Variants in SPATC1 observed in about 807,000 individuals in gnomAD.
SPATC1 encodes the protein speriolin.
SPATC1 carries 35 observed loss-of-function variants against 36.5 expected under a neutral mutation model. The ratio of observed to expected loss-of-function variants is 0.96; its 90% CI spans 0.73 to 1.27. The LOEUF is 1.27. Among genes scored for constraint, SPATC1 ranks in the 50% most tolerant of loss-of-function variants. The pLI, the probability that SPATC1 is intolerant of heterozygous loss-of-function variation, is 0.00. For synonymous variants in SPATC1, 361 were observed against 353.6 expected, an observed-to-expected ratio of 1.02 and a Z score of -0.24; for missense variants, 779 against 796.0, an observed-to-expected ratio of 0.98 and a Z score of 0.26.
At chr8:144,034,774 A>C (rs1834865805) in intron 1 of SPATC1, among the ~76,000 whole-genome samples, 1 of 151,948 alleles carries the variant, frequency 6.6e-6, no homozygotes. Flanking sequence ...GGCACACACC[A>C]ACACACCTGA....
intron 4 of SPATC1, among the ~76,000 whole-genome samples, chr8:144,041,693 G>A (rs573904007): frequency 2.0e-5 from 3 of 152,310 alleles, no homozygotes; most frequent in Non-Finnish European, 2.9e-5. Context: ...TGTGCCATGC[G>A]TGTGGCAGGC....
At chr8:144,020,263 C>T (rs1187354520) in intron 1 of SPATC1, among the ~76,000 whole-genome samples, 1 of 149,746 alleles carries the variant, frequency 6.7e-6, no homozygotes, top group Non-Finnish European at 1.5e-5. Flanking sequence ...AAGACCCTCT[C>T]CGCTGAAGAA....
intron 1 of SPATC1, among the ~76,000 whole-genome samples, chr8:144,030,646 A>G (rs1226252685): frequency 3.3e-5 from 5 of 152,194 alleles, no homozygotes; most frequent in Non-Finnish European, 7.3e-5. Context: ...GGCATGAGCC[A>G]CCATGCCTGG....
chr8:144,040,834 G>C lies in SPATC1; in HGVS notation c.1033G>C (p.Val345Leu), dbSNP rs1835068555. 2.0e-6 allele frequency: 3 copies of C among 1,530,520 alleles called. No homozygotes were observed. The highest frequency in any genetic ancestry group is 2.6e-6 in the Non-Finnish European group (3 of 1,145,090). 94.8% of individuals were successfully genotyped at this position (1,530,520 alleles called of 1,614,324 possible). A position where few individuals can be genotyped will look rare whatever the true frequency, so the allele number is the denominator to read the frequency against. Residue 345 changes from valine (V) to leucine (L), a missense_variant, in exon 3 of 5, where the codon GTT (valine) becomes CTT (leucine). By Grantham distance (32) the Val-to-Leu change is conservative (BLOSUM62 1). Coordinates refer to ENST00000377470, the MANE Select transcript of SPATC1 (RefSeq NM_198572.3). ...CTCTGCCCCCGCCCTTGCCCCCCAG[G>C]TTGCCACCAGCTACACACCCTCAAG... ...LASAPALAPQ[V>L]ATSYTPSSTT... is the part of the protein sequence containing the mutation.
At chr8:144,014,435 G>GGAA (rs782375510) in intron 1 of SPATC1, among the ~76,000 whole-genome samples, 172 of 149,264 alleles carry the variant, frequency 1.2e-3, no homozygotes, top group African/African-American at 3.9e-3. Context: ...GAAGAAAGAA[G>GGAA]GAAGAAGAAG....
chr8:144,045,563 G>T lies in SPATC1; in HGVS notation c.1447-1064G>T, dbSNP rs1163352513. Among the ~76,000 whole-genome samples, 5 of 152,202 alleles carry T rather than the reference G, an allele frequency of 3.3e-5. No individual in the cohort carries two copies. The highest frequency in any genetic ancestry group is 5.9e-5 in the Non-Finnish European group (4 of 68,028). On this transcript the variant is annotated intron_variant, in intron 4 of 4. Transcript: ENST00000377470. This position sits in a 1 kb window ranked among gnomAD's most constrained non-coding sequence, Gnocchi z 5.2. Reference sequence around the variant, plus strand: ...CTGGAAGAGGGGTGCAGGGACAGATGGGGGGACACTGGAGGGTGGCCCTCC... The same window carrying T: ...CTGGAAGAGGGGTGCAGGGACAGATTGGGGGACACTGGAGGGTGGCCCTCC...
rs1326298552 is a variant in SPATC1, at chr8:144,025,568, GC to G, written c.211+12844del. ...GGTTAAGAAATCACTTGTACATATTGCCTTGGAATATCATGCGACGGGACTG... is the reference window on the plus strand; with the variant it reads ...GGTTAAGAAATCACTTGTACATATTGCTTGGAATATCATGCGACGGGACTG... On this transcript the variant is annotated intron_variant, in intron 1 of 4. Coordinates refer to ENST00000377470, the MANE Select transcript of SPATC1 (RefSeq NM_198572.3). Among the ~76,000 whole-genome samples, 44 of 152,130 alleles carry G rather than the reference GC, an allele frequency of 2.9e-4. 1 individual carries two copies. The highest frequency in any genetic ancestry group is 8.7e-4 in the African/African-American group (36 of 41,432).
At chr8:144,025,371 T>A (rs1261670232) in intron 1 of SPATC1, among the ~76,000 whole-genome samples, 3 of 152,236 alleles carry the variant, frequency 2.0e-5, no homozygotes, top group Admixed American at 2.0e-4. Flanking sequence ...TAACTTCAAT[T>A]GTTTGATGTA....
intron 1 of SPATC1, among the ~76,000 whole-genome samples, chr8:144,030,347 GTGTATGTATGTA>G (rs1199255905): frequency 1.5e-4 from 23 of 151,850 alleles, no homozygotes; most frequent in African/African-American, 4.6e-4. Context: ...CCACATTGCT[GTGTATGTATGTA>G]TGTATGTATG....
intron 1 of SPATC1, among the ~76,000 whole-genome samples, chr8:144,020,900 CTCTTCCCTCAGGACCT>C: frequency 1.3e-5 from 2 of 148,940 alleles, no homozygotes; most frequent in African/African-American, 5.0e-5. Flanking sequence ...CCTCAGGACC[CTCTTCCCTCAGGACCT>C]TCTCCCCTCA....
In SPATC1 at chr8:144,018,310, G is replaced by A. The variant is rs894839824; in HGVS notation, c.211+5584G>A. On this transcript the variant is annotated intron_variant, in intron 1 of 4. Coordinates refer to ENST00000377470, the MANE Select transcript of SPATC1 (RefSeq NM_198572.3). The stretch of plus-strand genomic sequence containing the variant: ...TTCAACCATCATAGGTGGAATGGCC[G>A]ACCAGGGTGAGGTGAAAAGTCAGTG... 5.8e-4 allele frequency among the ~76,000 whole-genome samples: 88 copies of A among 152,272 alleles called. 1 individual carries two copies. The highest frequency in any genetic ancestry group is 2.1e-3 in the African/African-American group (87 of 41,566).
rs528502998 is a variant in SPATC1 at position 144,046,465 on chromosome 8, T to C, written c.1447-162T>C. ...ACCTGTCAGGCTCTGCCCACTGGGT[T>C]CCCCTGTCCTAGATTCTTGAGGTCT... On this transcript the variant is annotated intron_variant, in intron 4 of 4. Coordinates refer to ENST00000377470, the MANE Select transcript of SPATC1 (RefSeq NM_198572.3). This position sits in a 1 kb window ranked among gnomAD's most constrained non-coding sequence, Gnocchi z 6.6. 2.6e-5 allele frequency among the ~76,000 whole-genome samples: 4 copies of C among 152,226 alleles called. No homozygotes were observed. In the East Asian group the frequency reaches 7.7e-4, roughly 29 times the overall value.
chr8:144,018,773 T>G (rs1280791670), intron 1 of SPATC1, among the ~76,000 whole-genome samples: 3 of 150,794 alleles, frequency 2.0e-5, no homozygotes, highest in Non-Finnish European at 4.4e-5. Flanking sequence ...GGCTCACATC[T>G]GTAGTCCCAA....
At chr8:144,034,537 C>A (rs1272275221) in intron 1 of SPATC1, among the ~76,000 whole-genome samples, 1 of 151,912 alleles carries the variant, frequency 6.6e-6, no homozygotes. Context: ...CATTTACATA[C>A]ACCCCTTAAA....
At position 144,016,992 on chromosome 8, in the gene SPATC1, C is replaced by T. The variant is rs555267651; in HGVS notation, c.211+4266C>T. ...TCATGTTTGTGCTTCAGAAACGTTA[C>T]CCCAGATGCTATGGGGGAAATGGAT... is the stretch of plus-strand genomic sequence containing the variant. On this transcript the variant is annotated intron_variant, in intron 1 of 4. Transcript: ENST00000377470. The surrounding 1 kb of genome is among the most constrained non-coding windows in gnomAD (Gnocchi z 4.5). Among the ~76,000 whole-genome samples the T allele has an allele frequency of 2.5e-4, 38 of 152,234 alleles. No individual in the cohort carries two copies. Among genetic ancestry groups the T allele is most frequent in the Non-Finnish European group, 4.9e-4 (33 of 68,024 alleles).
Position 144,016,150 on chromosome 8 carries a change from G to C in SPATC1, c.211+3424G>C, listed in dbSNP as rs1834388373. On this transcript the variant is annotated intron_variant, in intron 1 of 4. Transcript: ENST00000377470. The surrounding 1 kb of genome is among the most constrained non-coding windows in gnomAD (Gnocchi z 4.5). ...AGGTGCCTGTAATCCCAGCTACTTG[G>C]GAGGCTGAGGCAGGAGAATCGCTTG... Among the ~76,000 whole-genome samples, 1 of 152,140 alleles carries C rather than the reference G, an allele frequency of 6.6e-6. No individual in the cohort carries two copies. The highest frequency in any genetic ancestry group is 6.5e-5 in the Admixed American group (1 of 15,270).
intron 1 of SPATC1, among the ~76,000 whole-genome samples, chr8:144,030,444 C>T (rs996644731): frequency 0.038 from 5,780 of 152,294 alleles, 388 homozygotes; most frequent in African/African-American, 0.13. Flanking sequence ...CTGCAGCCTC[C>T]GCCTCCTGGG....
At chr8:144,023,559 C>T in intron 1 of SPATC1, among the ~76,000 whole-genome samples, 1 of 125,864 alleles carries the variant, frequency 7.9e-6, no homozygotes, top group African/African-American at 3.0e-5. Context: ...CTATGCAGGA[C>T]CCTTTCCCCT....
At chr8:144,038,615 C>T (rs1554755190) in intron 1 of SPATC1, among the ~76,000 whole-genome samples, 1 of 151,932 alleles carries the variant, frequency 6.6e-6, no homozygotes, top group South Asian at 2.1e-4. Flanking sequence ...GCTGGGACTA[C>T]AGGTGTGTGC....
Sources: allele counts gnomAD v4.1 joint callset (sites outside exome capture counted in the v4.1 genomes callset), GRCh38; gene constraint gnomAD v4.1.1; non-coding constraint Gnocchi (gnomAD v3.1); transcripts MANE v1.5; gene names NCBI Gene and HGNC (gene_info 2026-07-23, HGNC 2026-07-21).